PPFIA2: variants seen among roughly 807,000 people sequenced by gnomAD.
PPFIA2 encodes liprin-alpha-2.
In PPFIA2, 46 loss-of-function variants were observed where a neutral mutation model predicts 175.5. That is an observed-to-expected ratio of 0.26 (90% CI 0.21 to 0.34). PPFIA2 has a LOEUF of 0.34. PPFIA2 is among the 10% of genes least tolerant of loss of function. The probability of loss-of-function intolerance (pLI) is 1.00; values close to 1 mark genes in which losing one functional copy is unlikely to be tolerated. For synonymous variants in PPFIA2, 568 were observed against 511.4 expected, an observed-to-expected ratio of 1.11 and a Z score of -1.49; for missense variants, 1,179 against 1,506.1, an observed-to-expected ratio of 0.78 and a Z score of 3.60.
chr12:81,445,772 A>G, intron 5 of PPFIA2, 52 bp from the exon 6 acceptor site: 1 of 1,523,916 alleles, frequency 6.6e-7, no homozygotes, highest in South Asian at 1.2e-5. Flanking sequence ...AGTCATAAAT[A>G]CTTACAAATG....
intron 11 of PPFIA2, among the ~76,000 whole-genome samples, chr12:81,370,918 C>T (rs1400118439): frequency 6.6e-6 from 1 of 151,852 alleles, no homozygotes; most frequent in Non-Finnish European, 1.5e-5. Context: ...GTGAAACTCA[C>T]TTTATGCCAA....
chr12:81,403,272 TG>T (rs1424951942), intron 8 of PPFIA2, among the ~76,000 whole-genome samples: 2 of 152,206 alleles, frequency 1.3e-5, no homozygotes, highest in Admixed American at 1.3e-4. Flanking sequence ...ACAATTGCTT[TG>T]GGTCACCAAT....
chr12:81,362,819 T>A, intron 14 of PPFIA2, 35 bp from the exon 15 acceptor site: 1 of 1,274,932 alleles, frequency 7.8e-7, no homozygotes, highest in Non-Finnish European at 1.1e-6. Flanking sequence ...CAGATGCCAG[T>A]AATATCAGCA....
intron 4 of PPFIA2, among the ~76,000 whole-genome samples, chr12:81,499,157 G>T (rs1392020784): frequency 6.6e-6 from 1 of 152,114 alleles, no homozygotes; most frequent in East Asian, 1.9e-4. Flanking sequence ...AGCATCCTTT[G>T]CCAGGACATA....
intron 4 of PPFIA2, among the ~76,000 whole-genome samples, chr12:81,646,286 G>T (rs938086079): frequency 6.6e-6 from 1 of 152,130 alleles, no homozygotes; most frequent in Non-Finnish European, 1.5e-5. Context: ...TCAAGGCAGA[G>T]GTCAGCTGTC....
Position 81,325,773 on chromosome 12 carries a change from C to G in PPFIA2, c.2642+4G>C. On this transcript the variant is annotated splice_donor_region_variant and intron_variant, in intron 22 of 32. Transcript: ENST00000549396. ...GAAAAAGAGGGAAAAATCCCCAAAC[C>G]TACTTTTTCTTTAGTCTTCGATCCT... is the stretch of plus-strand genomic sequence containing the variant. The G allele has an allele frequency of 4.4e-6, 7 of 1,607,254 alleles. No homozygotes were observed. Among genetic ancestry groups the G allele is most frequent in the Non-Finnish European group, 6.0e-6 (7 of 1,174,548 alleles).
chr12:81,739,125 T>C (rs2082018770), intron 3 of PPFIA2, among the ~76,000 whole-genome samples: 1 of 151,994 alleles, frequency 6.6e-6, no homozygotes, highest in African/African-American at 2.4e-5. Context: ...GTAGAAACTC[T>C]ATAATTATAG....
intron 4 of PPFIA2, among the ~76,000 whole-genome samples, chr12:81,591,685 T>C (rs1364027329): frequency 6.6e-6 from 1 of 152,170 alleles, no homozygotes; most frequent in Non-Finnish European, 1.5e-5. Flanking sequence ...CCTGAAGCCT[T>C]GGCAGCTTCC....
intron 6 of PPFIA2, among the ~76,000 whole-genome samples, chr12:81,443,845 C>CTTTTTTTTTTTTT (rs1183160145): frequency 1.4e-5 from 1 of 71,164 alleles, no homozygotes; most frequent in African/African-American, 5.9e-5. Context: ...GCCAACCTTT[C>CTTTTTTTTTTTTT]TTTTTTTTTT....
chr12:81,336,325 T>C (rs1237516217), intron 21 of PPFIA2, among the ~76,000 whole-genome samples: 1 of 152,198 alleles, frequency 6.6e-6, no homozygotes, highest in African/African-American at 2.4e-5. Context: ...GTTTTGGGGT[T>C]TCCATACTGA....
At chr12:81,301,692 C>T (rs903773688) in intron 22 of PPFIA2, among the ~76,000 whole-genome samples, 22 of 152,136 alleles carry the variant, frequency 1.4e-4, no homozygotes, top group African/African-American at 5.3e-4. Flanking sequence ...CACTGGCCTC[C>T]TTGCTGTTCT....
At position 81,702,423 on chromosome 12, in the gene PPFIA2, C is replaced by T. The variant is rs984547971; in HGVS notation, c.250-25579G>A. Among the ~76,000 whole-genome samples, 5 of 152,172 alleles carry T rather than the reference C, an allele frequency of 3.3e-5. No homozygotes were observed. In the East Asian group the frequency reaches 9.6e-4, roughly 29 times the overall value. ...TCTGACCTAGCTTTAAATCCCATCA[C>T]TCCAGTGAAATCAATCTTGTCTATA... On this transcript the variant is annotated intron_variant, in intron 3 of 32. Coordinates refer to ENST00000549396, the MANE Select transcript of PPFIA2 (RefSeq NM_003625.5).
rs923317204 is a variant in PPFIA2 at position 81,565,438 on chromosome 12, C to T, written c.304-107572G>A. On this transcript the variant is annotated intron_variant, in intron 4 of 32. Coordinates refer to ENST00000549396, the MANE Select transcript of PPFIA2 (RefSeq NM_003625.5). ...TCCTTGTTCCTCAGCCTGCAGATGG[C>T]CTATTGTGGGACCTTGTGATCATGT... Among the ~76,000 whole-genome samples the T allele has an allele frequency of 2.0e-5, 3 of 152,112 alleles. No homozygotes were observed. The South Asian group carries it at 6.2e-4, about 32-fold the overall frequency.
At chr12:81,630,898 TA>T (rs745999240) in intron 4 of PPFIA2, among the ~76,000 whole-genome samples, 1,427 of 54,448 alleles carry the variant, frequency 0.026, 9 homozygotes, top group African/African-American at 0.052. Context: ...TATATATATA[TA>T]TTTTTTTTTT....
chr12:81,536,811 A>G (rs1043334769), intron 4 of PPFIA2, among the ~76,000 whole-genome samples: 3 of 147,678 alleles, frequency 2.0e-5, no homozygotes, highest in African/African-American at 7.4e-5. Context: ...TTAGAAAATT[A>G]TCTCTGAGAT....
At chr12:81,469,664 TAATGGTTTCTTAAATGTGACGCCA>T (rs1188422296) in intron 4 of PPFIA2, among the ~76,000 whole-genome samples, 1 of 152,198 alleles carries the variant, frequency 6.6e-6, no homozygotes, top group Non-Finnish European at 1.5e-5. Context: ...TTGGATTAGG[TAATGGTTTCTTAAATGTGACGCCA>T]AAAGCTCATA....
chr12:81,647,818 A>G (rs1480446163), intron 4 of PPFIA2, among the ~76,000 whole-genome samples: 1 of 142,308 alleles, frequency 7.0e-6, no homozygotes, highest in East Asian at 2.0e-4. Context: ...TATACTATAA[A>G]ATATATAGTA....
intron 29 of PPFIA2, among the ~76,000 whole-genome samples, 178 bp downstream of exon 29, chr12:81,267,734 T>G (rs113577916): frequency 1.5e-4 from 17 of 113,088 alleles, no homozygotes; most frequent in Admixed American, 3.5e-4. Flanking sequence ...TATGATTTTT[T>G]TTTTTTTTTT....
chr12:81,673,318 CCTCTTGG>C (rs1244341797), intron 4 of PPFIA2, among the ~76,000 whole-genome samples: 1 of 152,082 alleles, frequency 6.6e-6, no homozygotes, highest in Non-Finnish European at 1.5e-5. Flanking sequence ...TATTCAAAGT[CCTCTTGG>C]CCATAGGTAC....
Sources: gnomAD v4.1 joint callset for allele counts (sites outside exome capture counted in the v4.1 genomes callset) on GRCh38, gnomAD v4.1.1 for gene constraint, MANE v1.5 for transcripts, NCBI Gene and HGNC (gene_info 2026-07-23, HGNC 2026-07-21) for gene names.